TSPAN2: variants seen among roughly 807,000 people sequenced by gnomAD.
TSPAN2 encodes tetraspanin-2.
Under a neutral mutation model 33.3 loss-of-function variants are expected in TSPAN2, and 24 were observed. The ratio of observed to expected loss-of-function variants is 0.72; its 90% CI spans 0.52 to 1.01. TSPAN2 has a LOEUF of 1.01. Among genes scored for constraint, TSPAN2 ranks in the 50% least tolerant of loss-of-function variants. The pLI, the probability that TSPAN2 is intolerant of heterozygous loss-of-function variation, is 0.00. For synonymous variants in TSPAN2, 114 were observed against 104.5 expected (o/e 1.09, Z -0.56); for missense variants, 278 against 281.3 (o/e 0.99, Z 0.08).
At chr1:115,075,463 T>C (rs1648367185) in intron 1 of TSPAN2, among the ~76,000 whole-genome samples, 1 of 152,180 alleles carries the variant, frequency 6.6e-6, no homozygotes, top group Non-Finnish European at 1.5e-5. Flanking sequence ...CTCTGGAAAG[T>C]GGCATCGGCA....
intron 2 of TSPAN2, among the ~76,000 whole-genome samples, chr1:115,063,974 T>A (rs1037892592): frequency 6.6e-6 from 1 of 152,022 alleles, no homozygotes; most frequent in Non-Finnish European, 1.5e-5. Flanking sequence ...GGTTCAGTCA[T>A]ACCCCCAATC....
intron 2 of TSPAN2, among the ~76,000 whole-genome samples, chr1:115,067,287 C>A (rs1302116968): frequency 6.6e-6 from 1 of 152,142 alleles, no homozygotes; most frequent in Non-Finnish European, 1.5e-5. Context: ...TTTTTCTTCT[C>A]CCTTGAGAAA....
At chr1:115,060,426 A>T in intron 4 of TSPAN2, 38 bp downstream of exon 4, 1 of 1,485,624 alleles carries the variant, frequency 6.7e-7, no homozygotes, top group Non-Finnish European at 9.4e-7. Context: ...TAACACTTTT[A>T]ACCATCATAG....
At chr1:115,085,236 C>T (rs1043811077) in intron 1 of TSPAN2, among the ~76,000 whole-genome samples, 1 of 152,244 alleles carries the variant, frequency 6.6e-6, no homozygotes, top group East Asian at 1.9e-4. Context: ...ACATCAACCA[C>T]GATAAGAGAA....
At chr1:115,061,470 G>A (rs904386341) in intron 3 of TSPAN2, among the ~76,000 whole-genome samples, 13 of 152,112 alleles carry the variant, frequency 8.5e-5, no homozygotes, top group African/African-American at 2.9e-4. Context: ...AAACATAAAT[G>A]TTTTCCTTGT....
chr1:115,076,083 T>A (rs1380946382), intron 1 of TSPAN2, among the ~76,000 whole-genome samples: 2 of 152,190 alleles, frequency 1.3e-5, no homozygotes, highest in East Asian at 3.8e-4. Context: ...AGGAACAGCA[T>A]GCACACTGCC....
chr1:115,078,880 G>C (rs1010320915), intron 1 of TSPAN2, among the ~76,000 whole-genome samples: 3 of 152,180 alleles, frequency 2.0e-5, no homozygotes, highest in Non-Finnish European at 4.4e-5. Context: ...AAACTCATCT[G>C]CACCTGGGAA....
chr1:115,061,172 C>T lies in TSPAN2; in HGVS notation c.271-634G>A, dbSNP rs545228305. Among the ~76,000 whole-genome samples, 12 of 152,308 alleles carry T rather than the reference C, an allele frequency of 7.9e-5. No individual in the cohort carries two copies. The South Asian group carries it at 2.5e-3, about 32-fold the overall frequency. On this transcript the variant is annotated intron_variant, in intron 3 of 7. Coordinates refer to ENST00000369516, the MANE Select transcript of TSPAN2 (RefSeq NM_005725.6). ...ATGAATGGCAAAGAAATAAGTCAGACATTTCACATAGCAAGAGATCAGAGG... is the reference window on the plus strand; with the variant it reads ...ATGAATGGCAAAGAAATAAGTCAGATATTTCACATAGCAAGAGATCAGAGG...
At chr1:115,064,667 C>G (rs1647872788) in intron 2 of TSPAN2, among the ~76,000 whole-genome samples, 1 of 152,190 alleles carries the variant, frequency 6.6e-6, no homozygotes, top group Non-Finnish European at 1.5e-5. Context: ...CAGAGAAAAT[C>G]AAATCAGTTC....
chr1:115,083,401 A>AT (rs986270971), intron 1 of TSPAN2, among the ~76,000 whole-genome samples: 32 of 152,234 alleles, frequency 2.1e-4, no homozygotes, highest in African/African-American at 7.7e-4. Context: ...AAGAGACTTA[A>AT]TAAAGGTAAA....
rs1675207360 is a variant in TSPAN2, at chr1:115,048,191, A to G, written c.*2299T>C. The G allele has an allele frequency of 6.6e-6, 1 of 150,676 alleles. No individual in the cohort carries two copies. The highest frequency in any genetic ancestry group is 1.5e-5 in the Non-Finnish European group (1 of 67,618). 9.3% of individuals were successfully genotyped at this position (150,676 alleles called of 1,614,324 possible). A position where few individuals can be genotyped will look rare whatever the true frequency, so the allele number is the denominator to read the frequency against. On this transcript the variant is annotated 3_prime_UTR_variant, in exon 8 of 8. Coordinates refer to ENST00000369516, the MANE Select transcript of TSPAN2 (RefSeq NM_005725.6). ...TGTGTATGTATATATATATATACACACACATCTGTATATACATACATGTAT... is the reference window on the plus strand; with the variant it reads ...TGTGTATGTATATATATATATACACGCACATCTGTATATACATACATGTAT...
chr1:115,071,647 C>T (rs1463439023), intron 2 of TSPAN2, among the ~76,000 whole-genome samples: 7 of 152,096 alleles, frequency 4.6e-5, no homozygotes, highest in African/African-American at 1.7e-4. Flanking sequence ...TTTTTCCTTT[C>T]TTAATGGAAC....
Position 115,050,327 on chromosome 1 carries a change from T to C in TSPAN2, c.*163A>G. 1 of 687,426 alleles carries C rather than the reference T, an allele frequency of 1.5e-6. No homozygotes were observed. Among genetic ancestry groups the C allele is most frequent in the Non-Finnish European group, 2.6e-6 (1 of 386,608 alleles). 42.6% of individuals were successfully genotyped at this position (687,426 alleles called of 1,614,324 possible). A position where few individuals can be genotyped will look rare whatever the true frequency, so the allele number is the denominator to read the frequency against. On this transcript the variant is annotated 3_prime_UTR_variant, in exon 8 of 8. Coordinates refer to ENST00000369516, the MANE Select transcript of TSPAN2 (RefSeq NM_005725.6). ...CATAAACAGGCATTCACTCAAGGGG[T>C]AAACCAGTAATGAGCCAAACATACG... is the stretch of plus-strand genomic sequence containing the variant.
intron 1 of TSPAN2, among the ~76,000 whole-genome samples, chr1:115,087,172 G>C (rs111805898): frequency 0.22 from 32,665 of 151,638 alleles, 4,052 homozygotes; most frequent in Non-Finnish European, 0.28. Context: ...GCCTGCCTTG[G>C]CCTCCTAAAG....
At chr1:115,085,266 T>C (rs746972626) in intron 1 of TSPAN2, among the ~76,000 whole-genome samples, 2 of 152,204 alleles carry the variant, frequency 1.3e-5, no homozygotes, top group Non-Finnish European at 2.9e-5. Flanking sequence ...GTGGGGTTAA[T>C]GGCTAGGCTT....
intron 2 of TSPAN2, among the ~76,000 whole-genome samples, chr1:115,067,350 A>C (rs999663941): frequency 6.6e-6 from 1 of 152,258 alleles, no homozygotes; most frequent in East Asian, 1.9e-4. Context: ...CTGAAAGTAC[A>C]GGGCTGGGAG....
chr1:115,073,270 G>A (rs1240846156), intron 1 of TSPAN2, among the ~76,000 whole-genome samples: 2 of 152,208 alleles, frequency 1.3e-5, no homozygotes, highest in Non-Finnish European at 2.9e-5. Context: ...CTGCCCTGTG[G>A]TTATGGGGCA....
At chr1:115,069,084 C>T (rs144283703) in intron 2 of TSPAN2, among the ~76,000 whole-genome samples, 5 of 152,292 alleles carry the variant, frequency 3.3e-5, no homozygotes, top group Admixed American at 1.3e-4. Context: ...GAGCATGGAT[C>T]GTGAGTGCCT....
chr1:115,063,887 AG>A (rs1274671551), intron 2 of TSPAN2, among the ~76,000 whole-genome samples: 1 of 152,176 alleles, frequency 6.6e-6, no homozygotes, highest in East Asian at 1.9e-4. Context: ...TGGGAATGAT[AG>A]ATACTGGGGA....
Sources: gnomAD v4.1 joint callset for allele counts (sites outside exome capture counted in the v4.1 genomes callset) on GRCh38, gnomAD v4.1.1 for gene constraint, MANE v1.5 for transcripts, NCBI Gene and HGNC (gene_info 2026-07-23, HGNC 2026-07-21) for gene names.